The following RNF212B variants were observed in gnomAD, a reference collection of about 807,000 sequenced individuals.
RNF212B encodes E3 ubiquitin-protein ligase RNF212B.
A neutral mutation model predicts 55.5 loss-of-function variants in RNF212B; 52 were observed. The observed-to-expected ratio is 0.94, with a 90% CI of 0.75 to 1.18. RNF212B has a LOEUF of 1.18. RNF212B is among the 50% of genes most tolerant of loss of function. The pLI is 0.00. For missense variants in RNF212B, 289 were observed against 350.4 expected, an observed-to-expected ratio of 0.82 and a Z score of 1.40; for synonymous variants, 99 against 121.4, an observed-to-expected ratio of 0.82 and a Z score of 1.21.
chr14:23,222,370 A>G lies in RNF212B; in HGVS notation c.-1-17975A>G, dbSNP rs1881647978. ...TACTATGAACAACTATATGTCAATA[A>G]ATTGGAAAATCTAGAAGAAATGGAT... On this transcript the variant is annotated intron_variant, in intron 2 of 15. Coordinates refer to the RNF212B transcript ENST00000399910. 3.9e-5 allele frequency among the ~76,000 whole-genome samples: 6 copies of G among 152,168 alleles called. 1 individual carries two copies. Among genetic ancestry groups the G allele is most frequent in the Admixed American group, 3.9e-4 (6 of 15,274 alleles).
Position 23,208,789 on chromosome 14 carries a change from C to T in RNF212B, c.-2+15388C>T, listed in dbSNP as rs1291915453. 1.1e-4 allele frequency among the ~76,000 whole-genome samples: 10 copies of T among 88,940 alleles called. No individual in the cohort carries two copies. In the South Asian group the frequency reaches 2.1e-3, roughly 19 times the overall value. The allele number at this position is 88,940 out of a possible 152,430, so 58.3% of individuals were successfully genotyped here. On this transcript the variant is annotated intron_variant, in intron 2 of 15. Transcript: ENST00000399910. ...TTTTTTTTTTTTTGAGACGGAGTCT[C>T]ACTCTGTCGCCCAGGCTGGAGTGCA...
chr14:23,209,704 G>A (rs542471300), intron 2 of RNF212B, among the ~76,000 whole-genome samples: 2 of 152,156 alleles, frequency 1.3e-5, no homozygotes, highest in East Asian at 1.9e-4. Context: ...AAGAATAGAT[G>A]GAAAGGGAAA....
At chr14:23,191,786 C>T (rs1221489436) in intron 1 of RNF212B, among the ~76,000 whole-genome samples, 1 of 152,116 alleles carries the variant, frequency 6.6e-6, no homozygotes, top group Non-Finnish European at 1.5e-5. Context: ...TTGCTTGTTT[C>T]TTCACCATTA....
chr14:23,255,078 C>T (rs1289859332), intron 4 of RNF212B, among the ~76,000 whole-genome samples: 3 of 152,198 alleles, frequency 2.0e-5, no homozygotes, highest in Non-Finnish European at 4.4e-5. Context: ...AATCTCCAAA[C>T]AGGCCAATTT....
chr14:23,233,887 A>T (rs139103755), upstream of RNF212B, among the ~76,000 whole-genome samples: 176 of 152,274 alleles, frequency 1.2e-3, no homozygotes, highest in African/African-American at 3.9e-3. Flanking sequence ...ACCTGAGGTC[A>T]GGAGTTCGAG....
In RNF212B at chr14:23,244,372, G is replaced by T; in HGVS notation, c.204G>T (p.Leu68Phe). 1 of 1,545,916 alleles carries T rather than the reference G, an allele frequency of 6.5e-7. No homozygotes were observed. ...TCAAAAGTCCTGTGGAGACAGCTTT[G>T]CAGTATTTTAGTCACATCTCTCAGG... ...MFFKSPVETA[L>F]QYFSHISQVW... is the part of the protein sequence containing the mutation. The change falls in exon 4 of 15, where the codon TTG (leucine) becomes TTT (phenylalanine). Residue 68 changes from leucine (L) to phenylalanine (F), a missense_variant. Physicochemically the swap from Leu to Phe is conservative, Grantham distance 22. Transcript: ENST00000430154.
chr14:23,270,495 G>C (rs1322204549), intron 13 of RNF212B, 105 bp from the exon 14 acceptor site: 2 of 754,894 alleles, frequency 2.6e-6, no homozygotes, highest in Non-Finnish European at 4.7e-6. Flanking sequence ...TTTCCCTTCT[G>C]AGTAGTGTTC....
chr14:23,250,761 C>T (rs1239763877), intron 4 of RNF212B, among the ~76,000 whole-genome samples: 2 of 152,124 alleles, frequency 1.3e-5, no homozygotes, highest in Admixed American at 6.5e-5. Flanking sequence ...TGGTTTTATA[C>T]ATTTTAGGGA....
intron 2 of RNF212B, among the ~76,000 whole-genome samples, chr14:23,227,473 T>C (rs1882137694): frequency 6.6e-6 from 1 of 152,068 alleles, no homozygotes; most frequent in Non-Finnish European, 1.5e-5. Context: ...TGTGTTGAGT[T>C]TGTGGAAATT....
intron 4 of RNF212B, among the ~76,000 whole-genome samples, chr14:23,250,599 A>G (rs539192412): frequency 1.3e-5 from 2 of 152,260 alleles, no homozygotes; most frequent in East Asian, 3.9e-4. Context: ...ATGTGTCAGA[A>G]TGTCTCTTCT....
At chr14:23,232,763 C>A (rs1312530084) in intron 2 of RNF212B, among the ~76,000 whole-genome samples, 1 of 147,260 alleles carries the variant, frequency 6.8e-6, no homozygotes, top group Non-Finnish European at 1.5e-5. Context: ...ACCCGGCCAG[C>A]CGCCCCGTCT....
At chr14:23,211,880 A>G (rs10130456) in intron 2 of RNF212B, among the ~76,000 whole-genome samples, 109,115 of 151,944 alleles carry the variant, frequency 0.72, 39,613 homozygotes, top group African/African-American at 0.82. Context: ...ATGCCACCAT[A>G]CCTGGCTAAT....
intron 14 of RNF212B, among the ~76,000 whole-genome samples, chr14:23,271,178 C>T (rs1004131823): frequency 6.6e-6 from 1 of 152,112 alleles, no homozygotes; most frequent in African/African-American, 2.4e-5. Flanking sequence ...GTGGTACATG[C>T]CAGTAATCCC....
chr14:23,228,218 G>C (rs138247508), intron 2 of RNF212B, among the ~76,000 whole-genome samples: 15 of 150,626 alleles, frequency 1.0e-4, no homozygotes, highest in African/African-American at 3.4e-4. Context: ...GGTGACGAGA[G>C]CGAAACTCTG....
chr14:23,209,906 A>G (rs1186833395), intron 2 of RNF212B, among the ~76,000 whole-genome samples: 2 of 152,200 alleles, frequency 1.3e-5, no homozygotes, highest in African/African-American at 4.8e-5. Context: ...TAATCACAGC[A>G]CTTTGGGAGG....
chr14:23,214,665 GATAAA>G (rs1384941763), intron 2 of RNF212B, among the ~76,000 whole-genome samples: 2 of 151,370 alleles, frequency 1.3e-5, no homozygotes, highest in Non-Finnish European at 2.9e-5. Flanking sequence ...TGAACTTGAA[GATAAA>G]ATAATAATAA....
chr14:23,201,443 G>A (rs1431457085), intron 2 of RNF212B, among the ~76,000 whole-genome samples: 1 of 152,118 alleles, frequency 6.6e-6, no homozygotes, highest in Non-Finnish European at 1.5e-5. Flanking sequence ...TGTACACTAA[G>A]TTATATTAGA....
chr14:23,222,362 T>A lies in RNF212B; in HGVS notation c.-1-17983T>A, dbSNP rs117345190. On this transcript the variant is annotated intron_variant, in intron 2 of 15. Coordinates refer to the RNF212B transcript ENST00000399910. ...TTAATGGCTACTATGAACAACTATA[T>A]GTCAATAAATTGGAAAATCTAGAAG... Among the ~76,000 whole-genome samples the A allele has an allele frequency of 6.0e-3, 918 of 152,222 alleles. 5 individuals carry two copies. Among genetic ancestry groups the A allele is most frequent in the Non-Finnish European group, 9.7e-3 (661 of 68,006 alleles).
At chr14:23,194,134 T>C (rs939174389) in intron 2 of RNF212B, among the ~76,000 whole-genome samples, 3 of 152,014 alleles carry the variant, frequency 2.0e-5, no homozygotes, top group African/African-American at 4.8e-5. Context: ...GAGCCACCAT[T>C]CCTGGCCTCA....
Sources: allele counts gnomAD v4.1 joint callset (sites outside exome capture counted in the v4.1 genomes callset), GRCh38; gene constraint gnomAD v4.1.1; transcripts MANE v1.5; gene names NCBI Gene and HGNC (gene_info 2026-07-23, HGNC 2026-07-21).